TMEM255B: variants seen among roughly 807,000 people sequenced by gnomAD.
The protein encoded by TMEM255B is transmembrane protein 255B.
In TMEM255B, 35 loss-of-function variants were observed where a neutral mutation model predicts 34.5. The ratio of observed to expected loss-of-function variants is 1.01; its 90% confidence interval spans 0.77 to 1.34. TMEM255B has a LOEUF of 1.34. Ranked by LOEUF, TMEM255B falls within the 40% of genes most tolerant of loss-of-function variation. The probability of loss-of-function intolerance (pLI) is 0.00; values close to 1 mark genes in which losing one functional copy is unlikely to be tolerated. For missense variants in TMEM255B, 432 were observed against 433.2 expected (o/e 1.00, Z 0.02); for synonymous variants, 206 against 201.2 (o/e 1.02, Z -0.20).
intron 3 of TMEM255B, among the ~76,000 whole-genome samples, chr13:113,778,157 TC>T (rs1195099951): frequency 2.6e-5 from 4 of 152,160 alleles, no homozygotes; most frequent in Non-Finnish European, 5.9e-5. Flanking sequence ...ACAGGCGTGT[TC>T]CTGTCTGGCA....
At chr13:113,775,469 G>A (rs1021632387) in intron 3 of TMEM255B, among the ~76,000 whole-genome samples, 5 of 152,266 alleles carry the variant, frequency 3.3e-5, no homozygotes, top group African/African-American at 1.2e-4. Flanking sequence ...GTGGTTTCTG[G>A]GATCCCTGGA....
chr13:113,772,013 T>G (rs1255192006), intron 3 of TMEM255B, among the ~76,000 whole-genome samples: 4 of 152,224 alleles, frequency 2.6e-5, no homozygotes, highest in Non-Finnish European at 5.9e-5. Context: ...CCAGCACTTG[T>G]CACTGACTGT....
At chr13:113,778,093 A>G (rs970972766) in intron 3 of TMEM255B, among the ~76,000 whole-genome samples, 4 of 152,210 alleles carry the variant, frequency 2.6e-5, no homozygotes, top group African/African-American at 9.6e-5. Flanking sequence ...GATGGGATGC[A>G]TTCCTGTAGA....
At chr13:113,774,906 C>T (rs771278937) in intron 3 of TMEM255B, among the ~76,000 whole-genome samples, 23 of 150,810 alleles carry the variant, frequency 1.5e-4, no homozygotes, top group Non-Finnish European at 1.5e-4. Context: ...ATATACAACA[C>T]ACACTCCACA....
At chr13:113,805,442 T>G (rs1258039258) in intron 8 of TMEM255B, among the ~76,000 whole-genome samples, 2 of 152,188 alleles carry the variant, frequency 1.3e-5, no homozygotes, top group African/African-American at 4.8e-5. Context: ...GGAGACATCA[T>G]AGGGTTCATC....
chr13:113,767,401 C>T (rs894604341), intron 2 of TMEM255B, among the ~76,000 whole-genome samples: 3 of 152,198 alleles, frequency 2.0e-5, no homozygotes, highest in African/African-American at 7.2e-5. Context: ...TTTCTGCTTC[C>T]TGGGCAGAAA....
At chr13:113,782,673 G>GC (rs1594134676) in intron 3 of TMEM255B, among the ~76,000 whole-genome samples, 1 of 54,512 alleles carries the variant, frequency 1.8e-5, no homozygotes, top group South Asian at 1.2e-3. Flanking sequence ...TGTGATGGTC[G>GC]GAGGGGGGGG....
chr13:113,778,701 G>T (rs1038991882), intron 3 of TMEM255B, among the ~76,000 whole-genome samples: 3 of 152,064 alleles, frequency 2.0e-5, no homozygotes, highest in African/African-American at 7.3e-5. Context: ...CTGCTGTAAT[G>T]ATATGACGAT....
Position 113,769,057 on chromosome 13 carries a change from C to T in TMEM255B, c.190-41C>T, listed in dbSNP as rs181371772. On this transcript the variant is annotated intron_variant, in intron 2 of 8. Transcript: ENST00000375353. The surrounding 1 kb of genome is among the most constrained non-coding windows in gnomAD (Gnocchi z 4.2). ...AATGTCAGTGTTAAGCTTCTAGGCA[C>T]GTTAATGAGTGTTTCTCTCTCGTTC... 5.8e-5 allele frequency: 94 copies of T among 1,607,842 alleles called. No individual in the cohort carries two copies. The highest frequency in any genetic ancestry group is 1.8e-4 in the Admixed American group (11 of 59,994).
rs368613950 is a variant in TMEM255B, at chr13:113,804,966, G to A, written c.751G>A (p.Ala251Thr). 9.6e-5 allele frequency: 154 copies of A among 1,606,414 alleles called. No homozygotes were observed. Among genetic ancestry groups the A allele is most frequent in the Non-Finnish European group, 1.2e-4 (140 of 1,179,770 alleles). The change falls in exon 8 of 9, where the codon GCA becomes ACA. Residue 251 changes from alanine (A) to threonine (T), a missense_variant. Ala to Thr is a moderately conservative substitution (Grantham distance 58). Transcript: ENST00000375353. Reference sequence around the variant, plus strand: ...CCCCGCCCAGCAGATCCTGGCCTACGCAGGCTTCCGCCTGACGCCCGAGCC... The same window carrying A: ...CCCCGCCCAGCAGATCCTGGCCTACACAGGCTTCCGCCTGACGCCCGAGCC... ...YNPAQQILAY[A>T]GFRLTPEPVP...
In TMEM255B at chr13:113,806,824, T is replaced by TAGAAGGAGGAGGCCCGCAGGGGC; in HGVS notation, c.813+1800_813+1822dup. ...GCCCAGAACTGGAGGCCCGCAGGGG[T>TAGAAGGAGGAGGCCCGCAGGGGC]AGAAGGAGGAGGCCCGCAGGGGCAG... On this transcript the variant is annotated intron_variant, in intron 8 of 8. Transcript: ENST00000375353. The surrounding 1 kb of genome is among the most constrained non-coding windows in gnomAD (Gnocchi z 4.2). Among the ~76,000 whole-genome samples the TAGAAGGAGGAGGCCCGCAGGGGC allele has an allele frequency of 8.9e-6, 1 of 112,552 alleles. No homozygotes were observed. The highest frequency in any genetic ancestry group is 2.3e-4 in the South Asian group (1 of 4,366). 73.8% of individuals were successfully genotyped at this position (112,552 alleles called of 152,430 possible). A position where few individuals can be genotyped will look rare whatever the true frequency, so the allele number is the denominator to read the frequency against.
At chr13:113,784,726 T>C (rs1337328197) in intron 3 of TMEM255B, among the ~76,000 whole-genome samples, 2 of 152,086 alleles carry the variant, frequency 1.3e-5, no homozygotes, top group East Asian at 3.9e-4. Context: ...GTCCTCCTTA[T>C]GCAAATTGCT....
rs1427661113 is a variant in TMEM255B, at chr13:113,778,457, C to T, written c.252+9297C>T. Among the ~76,000 whole-genome samples, 3 of 147,870 alleles carry T rather than the reference C, an allele frequency of 2.0e-5. No individual in the cohort carries two copies. The East Asian group carries it at 6.0e-4, about 29-fold the overall frequency. ...ACCTGTGGTACTGTGGCATCTTCTCCCGGGTGAGTCCCGATTTCATCTGCT... is the reference window on the plus strand; with the variant it reads ...ACCTGTGGTACTGTGGCATCTTCTCTCGGGTGAGTCCCGATTTCATCTGCT... On this transcript the variant is annotated intron_variant, in intron 3 of 8. Transcript: ENST00000375353.
At chr13:113,762,304 G>A (rs2050321950) in intron 1 of TMEM255B, among the ~76,000 whole-genome samples, 1 of 151,786 alleles carries the variant, frequency 6.6e-6, no homozygotes, top group Admixed American at 6.6e-5. Flanking sequence ...TTTAAGGTTG[G>A]GAGTCTTCTT....
intron 7 of TMEM255B, among the ~76,000 whole-genome samples, chr13:113,802,460 C>T (rs1315473903): frequency 1.3e-5 from 2 of 152,236 alleles, no homozygotes; most frequent in African/African-American, 2.4e-5. Context: ...GATGGGCAGC[C>T]AGGAGTGAGG....
intron 8 of TMEM255B, among the ~76,000 whole-genome samples, chr13:113,809,737 A>G (rs1360866558): frequency 6.7e-6 from 1 of 149,400 alleles, no homozygotes; most frequent in Non-Finnish European, 1.5e-5. Context: ...GTTCCTAGGG[A>G]GTTACTCCAT....
chr13:113,808,315 G>T (rs1302271652), intron 8 of TMEM255B, among the ~76,000 whole-genome samples: 1 of 152,196 alleles, frequency 6.6e-6, no homozygotes, highest in Non-Finnish European at 1.5e-5. Flanking sequence ...GGCATGAAGT[G>T]CAGGGGAGGA....
intron 8 of TMEM255B, 85 bp downstream of exon 8, chr13:113,805,113 G>A: frequency 7.2e-7 from 1 of 1,382,210 alleles, no homozygotes; most frequent in Non-Finnish European, 9.4e-7. Context: ...CGGAGGGGAT[G>A]AGGTCTTGCA....
chr13:113,804,471 TAA>T lies in TMEM255B; in HGVS notation c.670-411_670-410del, dbSNP rs1566330548. On this transcript the variant is annotated intron_variant, in intron 7 of 8. Coordinates refer to ENST00000375353, the MANE Select transcript of TMEM255B (RefSeq NM_182614.4). ...CTCCCCCCCCAAAAAATCAAAAAAG[TAA>T]AAGAGAGCCCGAGCCGAGCGGTCAC... is the stretch of plus-strand genomic sequence containing the variant. Among the ~76,000 whole-genome samples, 3 of 151,650 alleles carry T rather than the reference TAA, an allele frequency of 2.0e-5. No homozygotes were observed. The East Asian group carries it at 5.8e-4, about 29-fold the overall frequency.
Sources: allele counts gnomAD v4.1 joint callset (sites outside exome capture counted in the v4.1 genomes callset), GRCh38; gene constraint gnomAD v4.1.1; non-coding constraint Gnocchi (gnomAD v3.1); transcripts MANE v1.5; gene names NCBI Gene and HGNC (gene_info 2026-07-23, HGNC 2026-07-21).